Variants in C6 observed in about 807,000 individuals in gnomAD.
The protein encoded by C6 is complement C6, also known as complement component C6.
In C6, 101 loss-of-function variants were observed where a neutral mutation model predicts 112.9. The observed-to-expected ratio is 0.89, with a 90% CI of 0.76 to 1.06. C6 has a LOEUF of 1.06. Among genes scored for constraint, C6 ranks in the 50% least tolerant of loss-of-function variants. C6 has a pLI of 0.00. For missense variants in C6, 1,202 were observed against 1,104.6 expected, an observed-to-expected ratio of 1.09 and a Z score of -1.25; for synonymous variants, 431 against 384.1, an observed-to-expected ratio of 1.12 and a Z score of -1.43.
intron 1 of C6, among the ~76,000 whole-genome samples, chr5:41,226,154 A>C (rs1435302205): frequency 6.6e-6 from 1 of 152,208 alleles, no homozygotes; most frequent in Admixed American, 6.5e-5. Context: ...CCATCATCAG[A>C]GTCAACAGGC....
In C6 at chr5:41,166,672, TG is replaced by T. The variant is rs137948372; in HGVS notation, c.1292-4814del. On this transcript the variant is annotated intron_variant, in intron 9 of 17. Transcript: ENST00000337836. ...GAAATAGAAAGTAAACATAATACAG[TG>T]TGATGAGTGCTATGATGTTGTGAAT... Among the ~76,000 whole-genome samples, 615 of 152,192 alleles carry T rather than the reference TG, an allele frequency of 4.0e-3. 16 individuals carry two copies. The East Asian group carries it at 0.058, about 14-fold the overall frequency.
intron 1 of C6, among the ~76,000 whole-genome samples, chr5:41,245,837 A>C (rs2150431742): frequency 6.6e-6 from 1 of 152,252 alleles, no homozygotes; most frequent in Non-Finnish European, 1.5e-5. Flanking sequence ...TCCTTGCTTG[A>C]TGATATTTTG....
chr5:41,170,759 G>A (rs561139664), intron 9 of C6, among the ~76,000 whole-genome samples: 4 of 152,054 alleles, frequency 2.6e-5, no homozygotes, highest in Non-Finnish European at 5.9e-5. Context: ...TCCATGAGAA[G>A]GTAAGCTTCA....
chr5:41,209,659 G>A (rs1168554451), intron 1 of C6, among the ~76,000 whole-genome samples: 1 of 152,100 alleles, frequency 6.6e-6, no homozygotes, highest in Non-Finnish European at 1.5e-5. Context: ...CAACTTACAA[G>A]GGATGTGAAG....
At chr5:41,176,062 G>C (rs1054310149) in intron 8 of C6, among the ~76,000 whole-genome samples, 4 of 152,088 alleles carry the variant, frequency 2.6e-5, no homozygotes, top group Non-Finnish European at 4.4e-5. Flanking sequence ...TCGTTATAAG[G>C]TATTGCTTTA....
chr5:41,143,545 G>A (rs58511799), intron 17 of C6, among the ~76,000 whole-genome samples: 2,373 of 152,258 alleles, frequency 0.016, 74 homozygotes, highest in African/African-American at 0.054. Context: ...AATATGCCAA[G>A]CACTTTACAT....
intron 1 of C6, among the ~76,000 whole-genome samples, chr5:41,241,280 A>C (rs1051694775): frequency 2.6e-5 from 4 of 152,200 alleles, no homozygotes; most frequent in African/African-American, 9.6e-5. Flanking sequence ...CTCATGCTAC[A>C]GCTCTCTGGC....
intron 17 of C6, among the ~76,000 whole-genome samples, chr5:41,144,853 G>A (rs1561084307): frequency 6.6e-6 from 1 of 152,132 alleles, no homozygotes; most frequent in Non-Finnish European, 1.5e-5. Flanking sequence ...TTCTGTTCTT[G>A]TATTAGTTTG....
intron 1 of C6, among the ~76,000 whole-genome samples, chr5:41,236,740 A>G (rs1181938181): frequency 1.4e-5 from 2 of 141,578 alleles, no homozygotes; most frequent in African/African-American, 2.7e-5. Flanking sequence ...GCAGAACTGA[A>G]GGAAATAGAG....
intron 5 of C6, among the ~76,000 whole-genome samples, chr5:41,194,322 G>A (rs1293991791): frequency 6.6e-6 from 1 of 152,246 alleles, no homozygotes; most frequent in East Asian, 1.9e-4. Context: ...TGAGGAAACC[G>A]AGGCCCAGAG....
At chr5:41,257,785 C>G (rs1430358386) in intron 1 of C6, among the ~76,000 whole-genome samples, 1 of 152,122 alleles carries the variant, frequency 6.6e-6, no homozygotes, top group Non-Finnish European at 1.5e-5. Context: ...TCCCAGCCCC[C>G]TCATGCTGAA....
At chr5:41,228,531 C>T (rs1408066947) in intron 1 of C6, among the ~76,000 whole-genome samples, 1 of 152,026 alleles carries the variant, frequency 6.6e-6, no homozygotes, top group African/African-American at 2.4e-5. Context: ...TGTCTTATTC[C>T]TAATTGTTGA....
intron 4 of C6, among the ~76,000 whole-genome samples, chr5:41,198,436 C>A (rs1002245578): frequency 2.6e-5 from 4 of 152,146 alleles, no homozygotes; most frequent in African/African-American, 9.7e-5. Flanking sequence ...ATATCTGTGA[C>A]AAGGATTTAC....
At chr5:41,158,916 G>T in intron 12 of C6, 131 bp from the exon 13 acceptor site, 1 of 1,071,378 alleles carries the variant, frequency 9.3e-7, no homozygotes, top group Non-Finnish European at 1.4e-6. Context: ...ATTACACACA[G>T]AAAAAGGCAC....
At chr5:41,169,321 A>T (rs1461747531) in intron 9 of C6, among the ~76,000 whole-genome samples, 2 of 152,096 alleles carry the variant, frequency 1.3e-5, no homozygotes, top group East Asian at 3.9e-4. Flanking sequence ...ACATACGCAC[A>T]CACACACAGG....
chr5:41,194,709 A>T (rs2150352261), intron 5 of C6, among the ~76,000 whole-genome samples: 1 of 142,846 alleles, frequency 7.0e-6, no homozygotes, highest in South Asian at 2.2e-4. Flanking sequence ...AGTATAGGAG[A>T]TTATCTTTAC....
intron 1 of C6, among the ~76,000 whole-genome samples, chr5:41,232,084 G>T (rs1383621694): frequency 6.6e-6 from 1 of 151,974 alleles, no homozygotes; most frequent in Non-Finnish European, 1.5e-5. Flanking sequence ...AGCTGTCTTT[G>T]TTGTATCCCT....
At chr5:41,244,361 A>T (rs962222503) in intron 1 of C6, among the ~76,000 whole-genome samples, 5 of 152,198 alleles carry the variant, frequency 3.3e-5, no homozygotes, top group African/African-American at 1.2e-4. Context: ...TTCTTATAAC[A>T]TCTTTATGGT....
At chr5:41,219,976 G>A (rs1461367417) in intron 1 of C6, among the ~76,000 whole-genome samples, 5 of 152,114 alleles carry the variant, frequency 3.3e-5, no homozygotes, top group Non-Finnish European at 5.9e-5. Flanking sequence ...AGTAAAGAGG[G>A]AAATGAAAGA....
Sources: gnomAD v4.1 joint callset for allele counts (sites outside exome capture counted in the v4.1 genomes callset) on GRCh38, gnomAD v4.1.1 for gene constraint, MANE v1.5 for transcripts, NCBI Gene and HGNC (gene_info 2026-07-23, HGNC 2026-07-21) for gene names.